The following RNLS variants were observed in gnomAD, a reference collection of about 807,000 sequenced individuals.
RNLS encodes renalase.
A neutral mutation model predicts 39.8 loss-of-function variants in RNLS; 39 were observed. The ratio of observed to expected loss-of-function variants is 0.98; its 90% CI spans 0.76 to 1.28. RNLS has a LOEUF of 1.28. Ranked by LOEUF, RNLS falls within the 50% of genes most tolerant of loss-of-function variation. The probability of loss-of-function intolerance (pLI) is 0.00; values close to 1 mark genes in which losing one functional copy is unlikely to be tolerated. For synonymous variants in RNLS, 147 were observed against 150.7 expected (o/e 0.98, Z 0.18); for missense variants, 410 against 413.3 (o/e 0.99, Z 0.07).
At chr10:88,267,559 A>G in the RNLS span, among the ~76,000 whole-genome samples, 2 of 152,214 alleles carry the variant, frequency 1.3e-5, no homozygotes, top group African/African-American at 4.8e-5. Flanking sequence ...TGGGCAACAG[A>G]GTGAGACCCT....
chr10:88,426,952 C>A (rs1854811005), intron 4 of RNLS, among the ~76,000 whole-genome samples: 3 of 151,964 alleles, frequency 2.0e-5, no homozygotes, highest in Non-Finnish European at 2.9e-5. Flanking sequence ...CATTATTTTA[C>A]TTTGTAATGG....
chr10:88,310,795 C>A (rs1175074300), intron 6 of RNLS, among the ~76,000 whole-genome samples: 1 of 54,342 alleles, frequency 1.8e-5, no homozygotes, highest in African/African-American at 5.8e-5. Flanking sequence ...TAGAGCCTAC[C>A]TCTGCCAAAA....
At chr10:88,194,167 A>G in the RNLS span, among the ~76,000 whole-genome samples, 3 of 152,132 alleles carry the variant, frequency 2.0e-5, no homozygotes, top group Non-Finnish European at 2.9e-5. Context: ...GGATTTCTCA[A>G]CCTCAGCCTG....
At chr10:88,410,484 G>A (rs928093759) in intron 4 of RNLS, among the ~76,000 whole-genome samples, 2 of 152,106 alleles carry the variant, frequency 1.3e-5, no homozygotes, top group South Asian at 2.1e-4. Context: ...GAAATGTGCT[G>A]TAACAACTGT....
chr10:88,353,424 T>G (rs1848886727), intron 5 of RNLS, among the ~76,000 whole-genome samples: 1 of 152,236 alleles, frequency 6.6e-6, no homozygotes, highest in African/African-American at 2.4e-5. Context: ...TTGTTCTCGT[T>G]GGTTTCAAAG....
chr10:88,368,110 T>C (rs1250729942), intron 4 of RNLS, among the ~76,000 whole-genome samples: 1 of 152,056 alleles, frequency 6.6e-6, no homozygotes, highest in East Asian at 1.9e-4. Context: ...TGGTTTTTTT[T>C]TTCCTGAAAA....
At chr10:88,308,321 G>A (rs1187940167) in intron 6 of RNLS, among the ~76,000 whole-genome samples, 2 of 152,016 alleles carry the variant, frequency 1.3e-5, no homozygotes, top group Non-Finnish European at 2.9e-5. Context: ...GTGTAGCAAA[G>A]GAAACTAACA....
At chr10:88,430,694 T>C (rs1172699184) in intron 4 of RNLS, among the ~76,000 whole-genome samples, 2 of 151,790 alleles carry the variant, frequency 1.3e-5, no homozygotes, top group Non-Finnish European at 1.5e-5. Context: ...TTGCTAACAG[T>C]TTTTATCAGA....
At chr10:88,214,343 T>G in the RNLS span, among the ~76,000 whole-genome samples, 65 of 152,240 alleles carry the variant, frequency 4.3e-4, 1 homozygote, top group African/African-American at 1.5e-3. Flanking sequence ...CCAAAGTCAT[T>G]TGGGGAACTG....
intron 4 of RNLS, among the ~76,000 whole-genome samples, chr10:88,453,468 T>C (rs915669582): frequency 2.0e-5 from 3 of 152,180 alleles, no homozygotes; most frequent in African/African-American, 7.2e-5. Context: ...TCAGAGACTT[T>C]GTTGTGATTG....
At chr10:88,385,039 G>GACT (rs1408502083) in intron 4 of RNLS, among the ~76,000 whole-genome samples, 1 of 152,172 alleles carries the variant, frequency 6.6e-6, no homozygotes, top group East Asian at 1.9e-4. Context: ...GGCTATTATA[G>GACT]AGGATGATGT....
chr10:88,412,322 C>T (rs1376818792), intron 4 of RNLS, among the ~76,000 whole-genome samples: 4 of 152,020 alleles, frequency 2.6e-5, no homozygotes, highest in Non-Finnish European at 5.9e-5. Flanking sequence ...TTAAAAACAA[C>T]AGTGTAAGCG....
chr10:88,514,121 T>TAAAAAAA (rs762756164), intron 4 of RNLS, among the ~76,000 whole-genome samples: 1 of 120,384 alleles, frequency 8.3e-6, no homozygotes, highest in African/African-American at 3.1e-5. Context: ...GGGTAATTTA[T>TAAAAAAA]AAAAAAAAAA....
chr10:88,511,770 A>C (rs1208798167), intron 4 of RNLS, among the ~76,000 whole-genome samples: 1 of 152,204 alleles, frequency 6.6e-6, no homozygotes, highest in Admixed American at 6.5e-5. Flanking sequence ...GGTCAAGTAC[A>C]ATGATGGCTG....
the RNLS span, among the ~76,000 whole-genome samples, chr10:88,231,115 T>G: frequency 3.9e-5 from 6 of 152,202 alleles, no homozygotes; most frequent in African/African-American, 1.4e-4. Flanking sequence ...GGGCTGAGCT[T>G]CATCCCCTTC....
chr10:88,293,745 AAAGCAG>A lies in RNLS; in HGVS notation c.877-8245_877-8240del, dbSNP rs1843859405. 4.6e-5 allele frequency among the ~76,000 whole-genome samples: 7 copies of A among 152,304 alleles called. 1 individual carries two copies. The highest frequency in any genetic ancestry group is 1.3e-4 in the Admixed American group (2 of 15,290). ...TCTGGGGTAAGGCTTGACACAGCTC[AAAGCAG>A]AGTCTCTGTCAGTCTGAAGAATGTT... On this transcript the variant is annotated intron_variant, in intron 6 of 6. Transcript: ENST00000331772.
At chr10:88,560,919 T>C (rs1849143440) in intron 4 of RNLS, among the ~76,000 whole-genome samples, 1 of 149,024 alleles carries the variant, frequency 6.7e-6, no homozygotes, top group South Asian at 2.2e-4. Context: ...TGTAAGCTTA[T>C]AGTTTGTAGA....
At position 88,285,411 on chromosome 10, in the gene RNLS, A is replaced by G. The variant is rs765158760; in HGVS notation, c.972T>C (p.Phe324=). ...ATAGGGCAGAAGTGATGCAGCCATC[A>G]AAGTTGGACTGAGTAAATCCATCCC... ...CGGDGFTQSN[F]DGCITSALCV... Residue 324 remains phenylalanine (F), a synonymous_variant, in exon 7 of 7, where the codon TTT becomes TTC. Transcript: ENST00000331772. 7 of 1,613,180 alleles carry G rather than the reference A, an allele frequency of 4.3e-6. No homozygotes were observed. The highest frequency in any genetic ancestry group is 5.9e-6 in the Non-Finnish European group (7 of 1,179,420).
intron 1 of RNLS, among the ~76,000 whole-genome samples, 159 bp from the exon 2 acceptor site, chr10:88,582,466 G>T (rs142071007): frequency 1.1e-3 from 163 of 152,298 alleles, no homozygotes; most frequent in African/African-American, 3.7e-3. Flanking sequence ...TTTAGAAGGA[G>T]TCATGAACAA....
Sources: gnomAD v4.1 joint callset for allele counts (sites outside exome capture counted in the v4.1 genomes callset) on GRCh38, gnomAD v4.1.1 for gene constraint, MANE v1.5 for transcripts, NCBI Gene and HGNC (gene_info 2026-07-23, HGNC 2026-07-21) for gene names.